The following PLCH2 variants were observed in gnomAD, a reference collection of about 807,000 sequenced individuals.
PLCH2 encodes the protein phospholipase C eta 2.
A neutral mutation model predicts 134.7 loss-of-function variants in PLCH2; 98 were observed. The ratio of observed to expected loss-of-function variants is 0.73; its 90% confidence interval spans 0.62 to 0.86. The LOEUF is 0.86. PLCH2 is among the 40% of genes least tolerant of loss of function. The pLI is 0.00. For missense variants in PLCH2, 1,994 were observed against 1,986.6 expected (o/e 1.00, Z -0.07); for synonymous variants, 974 against 827.5 (o/e 1.18, Z -3.04).
At chr1:2,489,637 A>G in intron 9 of PLCH2, 123 bp from the exon 10 acceptor site, 1 of 821,522 alleles carries the variant, frequency 1.2e-6, no homozygotes, top group Admixed American at 2.2e-5. Flanking sequence ...CCCATGGCTG[A>G]GATGCCAAAA....
intron 10 of PLCH2, among the ~76,000 whole-genome samples, chr1:2,490,372 G>A (rs1642506810): frequency 6.6e-6 from 1 of 152,172 alleles, no homozygotes; most frequent in Non-Finnish European, 1.5e-5. Context: ...CTCTGATATG[G>A]GGGTCCCACC....
intron 2 of PLCH2, among the ~76,000 whole-genome samples, chr1:2,460,868 G>A (rs557230432): frequency 3.5e-4 from 53 of 152,324 alleles, no homozygotes; most frequent in South Asian, 1.2e-3. Flanking sequence ...TCAGTGCAGC[G>A]GCAACACTCC....
chr1:2,425,068 C>G (rs1638714229), upstream of PLCH2, among the ~76,000 whole-genome samples: 1 of 149,890 alleles, frequency 6.7e-6, no homozygotes, highest in African/African-American at 2.5e-5. Flanking sequence ...GAGGCTGAGG[C>G]AGGAGAATCA....
At chr1:2,463,422 C>T (rs776277513), upstream of PLCH2, among the ~76,000 whole-genome samples, 12 of 152,246 alleles carry the variant, frequency 7.9e-5, no homozygotes, top group Non-Finnish European at 1.6e-4. Context: ...AGGCAGGCTG[C>T]AGAGCCCCTG....
upstream of PLCH2, among the ~76,000 whole-genome samples, chr1:2,463,678 C>T (rs1640929539): frequency 6.6e-6 from 1 of 152,224 alleles, no homozygotes; most frequent in Admixed American, 6.5e-5. Flanking sequence ...GCTCCTAGCC[C>T]CTCCTCACAG....
intron 16 of PLCH2, chr1:2,497,930 G>A: frequency 2.9e-6 from 1 of 341,156 alleles, no homozygotes; most frequent in Non-Finnish European, 5.4e-6. Context: ...AGCCCCCTGT[G>A]CCTGGCCCCT....
chr1:2,494,452 A>T (rs1437629621), intron 11 of PLCH2: 1 of 308,234 alleles, frequency 3.2e-6, no homozygotes, highest in East Asian at 9.9e-5. Context: ...GAATGCTCGT[A>T]AAAGGGTTGC....
rs767705561 is a variant in PLCH2 at position 2,476,604 on chromosome 1, C to T, written c.16C>T (p.Pro6Ser). Residue 6 changes from proline to serine, a missense_variant, in exon 1 of 22, where the codon CCC becomes TCC. Coordinates refer to ENST00000378486, the MANE Select transcript of PLCH2 (RefSeq NM_014638.4). MSGPW[P>S]SPDSRTKGTV... The stretch of plus-strand genomic sequence containing the variant: ...TCGTCAGGCCATGTCTGGTCCATGG[C>T]CCTCCCCCGACAGCCGGACCAAGGG... 7 of 1,576,456 alleles carry T rather than the reference C, an allele frequency of 4.4e-6. No homozygotes were observed. Among genetic ancestry groups the T allele is most frequent in the Non-Finnish European group, 6.0e-6 (7 of 1,164,758 alleles).
rs935730388 is a variant in PLCH2, at chr1:2,499,733, C to T, written c.2661+13C>T. The T allele has an allele frequency of 4.5e-6, 7 of 1,560,578 alleles. No homozygotes were observed. In the Admixed American group the frequency reaches 1.3e-4, roughly 29 times the overall value. On this transcript the variant is annotated intron_variant, in intron 20 of 21. Transcript: ENST00000378486. Reference sequence around the variant, plus strand: ...CATCAGCGGTAAGGTGAGTGTCACCCCCTGCCACCAGCCATCATGGGGAGG... The same window carrying T: ...CATCAGCGGTAAGGTGAGTGTCACCTCCTGCCACCAGCCATCATGGGGAGG...
In PLCH2 at chr1:2,476,411, G is replaced by A. The variant is rs1262881651; in HGVS notation, c.-178G>A. On this transcript the variant is annotated 5_prime_UTR_variant, in exon 1 of 22. Coordinates refer to ENST00000378486, the MANE Select transcript of PLCH2 (RefSeq NM_014638.4). Reference sequence around the variant, plus strand: ...GGTGACGGTCAGGCCAATGCCAGCCGGGCCTGGGCACAGCCCTGTGGGGGC... The same window carrying A: ...GGTGACGGTCAGGCCAATGCCAGCCAGGCCTGGGCACAGCCCTGTGGGGGC... 18 of 580,642 alleles carry A rather than the reference G, an allele frequency of 3.1e-5. No individual in the cohort carries two copies. Among genetic ancestry groups the A allele is most frequent in the East Asian group, 6.3e-5 (2 of 31,740 alleles). 36.0% of individuals were successfully genotyped at this position (580,642 alleles called of 1,614,324 possible).
rs140802711 is a variant in PLCH2 at position 2,442,398 on chromosome 1, C to T, written c.115+11769C>T. ...GAGAGCAAAATAGAAACTCCGGCAA[C>T]ACTGGTCCTGAGTGACACGCTCCCA... On this transcript the variant is annotated intron_variant, in intron 2 of 3. Transcript: ENST00000609981. Among the ~76,000 whole-genome samples the T allele has an allele frequency of 2.1e-3, 318 of 152,306 alleles. 2 individuals are homozygous for T. Among genetic ancestry groups the T allele is most frequent in the Non-Finnish European group, 3.4e-3 (230 of 68,018 alleles).
chr1:2,460,011 G>A (rs1640735613), intron 2 of PLCH2, among the ~76,000 whole-genome samples: 1 of 152,236 alleles, frequency 6.6e-6, no homozygotes, highest in South Asian at 2.1e-4. Flanking sequence ...ACCCTGAGCT[G>A]GGACCTGGGC....
At chr1:2,499,520 C>G (rs1643094267) in intron 19 of PLCH2, 121 bp from the exon 20 acceptor site, 3 of 797,660 alleles carry the variant, frequency 3.8e-6, no homozygotes, top group Non-Finnish European at 6.3e-6. Flanking sequence ...GCAGAGGCCC[C>G]AGGCCTGGGC....
At chr1:2,442,593 C>A (rs1639742380) in intron 2 of PLCH2, among the ~76,000 whole-genome samples, 1 of 152,250 alleles carries the variant, frequency 6.6e-6, no homozygotes, top group South Asian at 2.1e-4. Context: ...CGAGGACCCC[C>A]TCTCAGTCTG....
intron 10 of PLCH2, among the ~76,000 whole-genome samples, chr1:2,490,970 C>T (rs189768663): frequency 1.3e-4 from 20 of 152,364 alleles, no homozygotes; most frequent in Middle Eastern, 3.4e-3. Flanking sequence ...GGCCAGAAGC[C>T]GCACAGGCTC....
intron 2 of PLCH2, among the ~76,000 whole-genome samples, chr1:2,451,684 C>T (rs1640233581): frequency 6.6e-6 from 1 of 152,300 alleles, no homozygotes; most frequent in East Asian, 1.9e-4. Flanking sequence ...GGAGCCCTTC[C>T]CCCAGACCAC....
At chr1:2,490,626 G>A (rs575199217) in intron 10 of PLCH2, among the ~76,000 whole-genome samples, 2 of 152,372 alleles carry the variant, frequency 1.3e-5, no homozygotes, top group African/African-American at 4.8e-5. Context: ...AAACTCCTGA[G>A]GCAGCAGCAC....
intron 1 of PLCH2, among the ~76,000 whole-genome samples, chr1:2,470,989 C>T (rs1435191407): frequency 1.3e-5 from 2 of 152,080 alleles, no homozygotes. Context: ...GCAGCCAGGG[C>T]CTCAGAGAAA....
intron 1 of PLCH2, among the ~76,000 whole-genome samples, chr1:2,477,154 G>A (rs1041194064): frequency 6.6e-6 from 1 of 152,258 alleles, no homozygotes; most frequent in African/African-American, 2.4e-5. Flanking sequence ...TGGAGTGTGT[G>A]TCTTGTGGTG....
Sources: gnomAD v4.1 joint callset for allele counts (sites outside exome capture counted in the v4.1 genomes callset) on GRCh38, gnomAD v4.1.1 for gene constraint, MANE v1.5 for transcripts, NCBI Gene and HGNC (gene_info 2026-07-23, HGNC 2026-07-21) for gene names.